Variants in UVSSA observed in about 807,000 individuals in gnomAD.
UVSSA encodes UV-stimulated scaffold protein A.
A neutral mutation model predicts 73.9 loss-of-function variants in UVSSA; 72 were observed. That is an observed-to-expected ratio of 0.97 (90% CI 0.81 to 1.19). The LOEUF (loss-of-function observed/expected upper bound fraction) is 1.19, where lower values mean the gene tolerates loss of function less well. Among genes scored for constraint, UVSSA ranks in the 50% most tolerant of loss-of-function variants. UVSSA has a pLI of 0.00. For synonymous variants in UVSSA, 454 were observed against 391.3 expected, an observed-to-expected ratio of 1.16 and a Z score of -1.89; for missense variants, 1,150 against 965.0, an observed-to-expected ratio of 1.19 and a Z score of -2.54.
chr4:1,349,275 C>T (rs1714285187), intron 2 of UVSSA, among the ~76,000 whole-genome samples: 1 of 152,220 alleles, frequency 6.6e-6, no homozygotes. Flanking sequence ...TTTCACATTT[C>T]ACCAAGTATT....
In UVSSA at chr4:1,349,564, A is replaced by AT. The variant is rs775354735; in HGVS notation, c.140dup (p.Ala48SerfsTer75). The AT allele has an allele frequency of 6.2e-7, 1 of 1,613,948 alleles. No homozygotes were observed. Among genetic ancestry groups the AT allele is most frequent in the Non-Finnish European group, 8.5e-7 (1 of 1,180,000 alleles). On this transcript the variant is annotated frameshift_variant, in exon 3 of 14. Coordinates refer to ENST00000389851, the MANE Select transcript of UVSSA (RefSeq NM_020894.4). LOFTEE classifies it high-confidence loss of function. ...GCTGAGCCGCGCCTACCGCCTGCTG[A>AT]TAGCACAGCTGACCCAGGAGCACGC...
intron 7 of UVSSA, among the ~76,000 whole-genome samples, chr4:1,365,730 G>T (rs1330839157): frequency 6.6e-6 from 1 of 152,252 alleles, no homozygotes; most frequent in Admixed American, 6.5e-5. Flanking sequence ...GGAGAACCCT[G>T]TGTGGGGAGC....
At chr4:1,371,256 CTGTGTGTGTGTGTGTGTGTG>C (rs34839757) in intron 8 of UVSSA, among the ~76,000 whole-genome samples, 4 of 146,522 alleles carry the variant, frequency 2.7e-5, no homozygotes, top group African/African-American at 1.0e-4. Context: ...GTGGGTGGAC[CTGTGTGTGTGTGTGTGTGTG>C]TGTGTGTGTG....
rs569208247 is a variant in UVSSA, at chr4:1,354,862, T to A, written c.1047+15T>A. ...CGTGGATCCAGGTGAGCCTCGAACC[T>A]GGGACCTGTGGGTGGAGGGACGTGT... On this transcript the variant is annotated intron_variant, in intron 6 of 13. Transcript: ENST00000389851. 18 of 1,568,456 alleles carry A rather than the reference T, an allele frequency of 1.1e-5. No homozygotes were observed. The highest frequency in any genetic ancestry group is 1.4e-5 in the African/African-American group (1 of 71,096).
At chr4:1,349,430 G>A in intron 2 of UVSSA, 94 bp from the exon 3 acceptor site, 4 of 1,243,146 alleles carry the variant, frequency 3.2e-6, no homozygotes, top group Non-Finnish European at 4.5e-6. Context: ...GGTGGTCCCT[G>A]CCACACGTGC....
intron 3 of UVSSA, among the ~76,000 whole-genome samples, chr4:1,350,803 G>A (rs1295467931): frequency 6.6e-6 from 1 of 151,686 alleles, no homozygotes; most frequent in Non-Finnish European, 1.5e-5. Context: ...ACTTACAGAC[G>A]CATAGGGCTC....
chr4:1,349,341 G>A (rs1202040257), intron 2 of UVSSA, among the ~76,000 whole-genome samples, 183 bp from the exon 3 acceptor site: 1 of 152,228 alleles, frequency 6.6e-6, no homozygotes, highest in African/African-American at 2.4e-5. Context: ...GGCAGGGGCT[G>A]GGGAGGTAGA....
upstream of UVSSA, among the ~76,000 whole-genome samples, chr4:1,346,662 G>T (rs528044655): frequency 6.6e-6 from 1 of 152,050 alleles, no homozygotes; most frequent in Admixed American, 6.5e-5. Flanking sequence ...CCTGCGCGGG[G>T]CGAGCTCGGG....
At chr4:1,371,886 A>T (rs941443293) in intron 8 of UVSSA, among the ~76,000 whole-genome samples, 3 of 152,218 alleles carry the variant, frequency 2.0e-5, no homozygotes, top group Non-Finnish European at 4.4e-5. Context: ...TGTGCTGTAC[A>T]AACCACCCGT....
At chr4:1,368,159 G>A (rs553528594) in intron 8 of UVSSA, among the ~76,000 whole-genome samples, 2 of 152,326 alleles carry the variant, frequency 1.3e-5, no homozygotes, top group African/African-American at 2.4e-5. Flanking sequence ...CTCATCTCCC[G>A]GACCCCTCCT....
At chr4:1,370,571 C>G (rs1717909907) in intron 8 of UVSSA, among the ~76,000 whole-genome samples, 2 of 152,276 alleles carry the variant, frequency 1.3e-5, no homozygotes, top group African/African-American at 4.8e-5. Context: ...GGGACAGGCA[C>G]CTTCTGTGAA....
At chr4:1,372,908 A>AGGG (rs1553883613) in intron 8 of UVSSA, among the ~76,000 whole-genome samples, 377 of 127,702 alleles carry the variant, frequency 3.0e-3, no homozygotes, top group Middle Eastern at 9.1e-3. Flanking sequence ...GCGTCTCTAC[A>AGGG]CACTCACTGC....
chr4:1,354,454 T>G (rs1577298538), intron 5 of UVSSA: 1 of 457,794 alleles, frequency 2.2e-6, no homozygotes, highest in Non-Finnish European at 4.0e-6. Context: ...CTGTGGGTGG[T>G]CTCGCCCTCC....
At chr4:1,354,912 T>A (rs1223721944) in intron 6 of UVSSA, 65 bp downstream of exon 6, 5 of 1,205,158 alleles carry the variant, frequency 4.1e-6, no homozygotes, top group Admixed American at 2.2e-5. Flanking sequence ...ATGGGGGGGG[T>A]CCCTTTCTTG....
At position 1,385,800 on chromosome 4, in the gene UVSSA, G is replaced by A. The variant is rs1022983387; in HGVS notation, c.2037-68G>A. ...AGGACCAGTGCCTAACTTTGGTGATGCCGCCACTGGGAGCCCAGGCCCCTG... is the reference window on the plus strand; with the variant it reads ...AGGACCAGTGCCTAACTTTGGTGATACCGCCACTGGGAGCCCAGGCCCCTG... On this transcript the variant is annotated intron_variant, in intron 13 of 13. Transcript: ENST00000389851. The A allele has an allele frequency of 3.2e-6, 5 of 1,544,856 alleles. No homozygotes were observed. The African/African-American group carries it at 6.8e-5, about 21-fold the overall frequency.
At chr4:1,381,831 T>C (rs1719540430) in intron 12 of UVSSA, among the ~76,000 whole-genome samples, 1 of 152,126 alleles carries the variant, frequency 6.6e-6, no homozygotes, top group Non-Finnish European at 1.5e-5. Flanking sequence ...CATGCCCGAC[T>C]AATTTTTGTA....
intron 1 of UVSSA, 86 bp from the exon 2 acceptor site, chr4:1,348,004 T>C: frequency 8.5e-7 from 1 of 1,175,118 alleles, no homozygotes; most frequent in Non-Finnish European, 1.2e-6. Context: ...TTTCGGTTTA[T>C]AGTGGAACCC....
intron 8 of UVSSA, among the ~76,000 whole-genome samples, chr4:1,366,871 C>T (rs547736708): frequency 1.8e-4 from 27 of 152,334 alleles, no homozygotes; most frequent in Admixed American, 9.8e-4. Context: ...CTGTGCCATC[C>T]GCAGCCCTGC....
chr4:1,349,254 G>A (rs1241023683), intron 2 of UVSSA, among the ~76,000 whole-genome samples: 2 of 152,232 alleles, frequency 1.3e-5, no homozygotes, highest in East Asian at 3.8e-4. Flanking sequence ...GACATTTGAA[G>A]TGTATATGAT....
Sources: gnomAD v4.1 joint callset for allele counts (sites outside exome capture counted in the v4.1 genomes callset) on GRCh38, gnomAD v4.1.1 for gene constraint, MANE v1.5 for transcripts, NCBI Gene and HGNC (gene_info 2026-07-23, HGNC 2026-07-21) for gene names.